CDK5RAP2: variants seen among roughly 807,000 people sequenced by gnomAD.
CDK5RAP2 encodes the protein CDK5 regulatory subunit associated protein 2.
A neutral mutation model predicts 232.9 loss-of-function variants in CDK5RAP2; 147 were observed. That is an observed-to-expected ratio of 0.63 (90% CI 0.55 to 0.72). The LOEUF (loss-of-function observed/expected upper bound fraction) is 0.72. Ranked by LOEUF, CDK5RAP2 falls within the 30% of genes least tolerant of loss-of-function variation. The probability of loss-of-function intolerance (pLI) is 0.00; values close to 1 mark genes in which losing one functional copy is unlikely to be tolerated. For synonymous variants in CDK5RAP2, 833 were observed against 833.7 expected, an observed-to-expected ratio of 1.00 and a Z score of 0.01; for missense variants, 2,195 against 2,231.5, an observed-to-expected ratio of 0.98 and a Z score of 0.33.
intron 14 of CDK5RAP2, 137 bp from the exon 15 acceptor site, chr9:120,477,587 C>A: frequency 1.4e-6 from 1 of 722,286 alleles, no homozygotes. Context: ...CTGGCTCTGG[C>A]TCAGGCCACA....
At chr9:120,460,809 C>T (rs1281388640) in intron 18 of CDK5RAP2, 142 bp from the exon 19 acceptor site, 5 of 1,404,618 alleles carry the variant, frequency 3.6e-6, no homozygotes, top group Non-Finnish European at 4.8e-6. Context: ...AATGCCAAAG[C>T]CATGAAATAA....
At chr9:120,566,401 G>GA (rs1429537994) in intron 3 of CDK5RAP2, among the ~76,000 whole-genome samples, 1 of 152,050 alleles carries the variant, frequency 6.6e-6, no homozygotes, top group Non-Finnish European at 1.5e-5. Flanking sequence ...CAGTCATAAA[G>GA]AAAAAAACAT....
intron 12 of CDK5RAP2, among the ~76,000 whole-genome samples, chr9:120,504,672 G>C (rs1205857614): frequency 6.6e-6 from 1 of 152,168 alleles, no homozygotes; most frequent in Admixed American, 6.5e-5. Flanking sequence ...GTTAACTGCA[G>C]AATGAAGCTA....
intron 31 of CDK5RAP2, chr9:120,407,468 C>T (rs904692894): frequency 3.5e-6 from 2 of 579,556 alleles, no homozygotes; most frequent in Non-Finnish European, 3.1e-6. Context: ...AATTAATTTT[C>T]GCTTCTGGCC....
chr9:120,512,784 T>C (rs1488370665), intron 12 of CDK5RAP2, among the ~76,000 whole-genome samples: 2 of 152,186 alleles, frequency 1.3e-5, no homozygotes, highest in Non-Finnish European at 2.9e-5. Context: ...CACAGATTAA[T>C]CTGTAAAATG....
At chr9:120,555,885 C>T (rs148595355) in intron 3 of CDK5RAP2, among the ~76,000 whole-genome samples, 29 of 152,188 alleles carry the variant, frequency 1.9e-4, no homozygotes, top group Non-Finnish European at 3.4e-4. Flanking sequence ...AAACACACAA[C>T]GTAAATAAAA....
intron 13 of CDK5RAP2, 72 bp from the exon 14 acceptor site, chr9:120,487,509 C>T: frequency 8.4e-7 from 1 of 1,187,364 alleles, no homozygotes. Flanking sequence ...TCCCAAACTC[C>T]TTAAGGAAAA....
chr9:120,404,730 G>A (rs757098208), intron 32 of CDK5RAP2, among the ~76,000 whole-genome samples: 2 of 152,202 alleles, frequency 1.3e-5, no homozygotes, highest in Non-Finnish European at 2.9e-5. Context: ...TACTGAAAGA[G>A]TAAGTCTGGA....
At position 120,419,836 on chromosome 9, in the gene CDK5RAP2, C is replaced by T. The variant is rs747188549; in HGVS notation, c.4129G>A (p.Asp1377Asn). 57 of 1,613,916 alleles carry T rather than the reference C, an allele frequency of 3.5e-5. No homozygotes were observed. Among genetic ancestry groups the T allele is most frequent in the Admixed American group, 1.5e-4 (9 of 60,006 alleles). ...KSFFSRDQKQDNETEKTSVMV... is the reference protein window; with the variant it reads ...KSFFSRDQKQNNETEKTSVMV... ...ACTGAAGTCTTCTCTGTCTCATTATCTTGCTTCTGGTCTCGTGAGAAGAAG... is the reference window on the plus strand; with the variant it reads ...ACTGAAGTCTTCTCTGTCTCATTATTTTGCTTCTGGTCTCGTGAGAAGAAG... The change falls in exon 27 of 38, where the codon GAT (aspartate) becomes AAT (asparagine). Residue 1377 changes from aspartate (D) to asparagine (N), a missense_variant. Coordinates refer to ENST00000349780, the MANE Select transcript of CDK5RAP2 (RefSeq NM_018249.6).
chr9:120,458,682 G>T, intron 19 of CDK5RAP2, 60 bp from the exon 20 acceptor site: 1 of 1,496,078 alleles, frequency 6.7e-7, no homozygotes, highest in South Asian at 1.1e-5. Context: ...GGGGTGTGTG[G>T]AGAGAGGATG....
intron 28 of CDK5RAP2, among the ~76,000 whole-genome samples, chr9:120,413,110 T>A (rs1370353280): frequency 6.6e-6 from 1 of 152,166 alleles, no homozygotes. Flanking sequence ...CAAAAAGTAA[T>A]GTGAACAGCA....
chr9:120,545,298 A>C (rs936120267), intron 5 of CDK5RAP2, among the ~76,000 whole-genome samples: 1 of 152,258 alleles, frequency 6.6e-6, no homozygotes, highest in Non-Finnish European at 1.5e-5. Flanking sequence ...TGAGGAAAGA[A>C]GCCAGACACA....
At chr9:120,485,293 CTTTTT>C (rs111411839) in intron 14 of CDK5RAP2, among the ~76,000 whole-genome samples, 52 of 132,352 alleles carry the variant, frequency 3.9e-4, no homozygotes, top group Non-Finnish European at 7.3e-4. Flanking sequence ...CATTTAGATA[CTTTTT>C]TTTTTTTTTT....
Position 120,439,909 on chromosome 9 carries a change from T to G in CDK5RAP2, c.3212A>C (p.Asp1071Ala). 6.2e-7 allele frequency: 1 copy of G among 1,614,164 alleles called. No individual in the cohort carries two copies. Among genetic ancestry groups the G allele is most frequent in the South Asian group, 1.1e-5 (1 of 91,080 alleles). Residue 1071 changes from aspartate to alanine, a missense_variant, in exon 24 of 38, where the codon GAT becomes GCT. By Grantham distance (126) the Asp-to-Ala change is moderately radical. Coordinates refer to ENST00000349780, the MANE Select transcript of CDK5RAP2 (RefSeq NM_018249.6). Reference sequence around the variant, plus strand: ...AGCTACTGAAGTTGGGCTCAGAACATCTTCAGGATTTTCTTTGCATGATGG... The same window carrying G: ...AGCTACTGAAGTTGGGCTCAGAACAGCTTCAGGATTTTCTTTGCATGATGG... ...SLPSCKENPE[D>A]VLSPTSVATY...
intron 18 of CDK5RAP2, among the ~76,000 whole-genome samples, chr9:120,464,764 CA>C (rs760839074): frequency 6.2e-5 from 9 of 145,726 alleles, no homozygotes; most frequent in South Asian, 2.2e-4. Context: ...ACTAGCATAC[CA>C]AAAAAAAAAA....
chr9:120,428,057 A>G (rs896137860), intron 25 of CDK5RAP2, among the ~76,000 whole-genome samples: 6 of 152,230 alleles, frequency 3.9e-5, no homozygotes, highest in Non-Finnish European at 7.3e-5. Flanking sequence ...TTTGAAGCCA[A>G]CGAGAACAAA....
chr9:120,412,096 G>A (rs1466788321), intron 28 of CDK5RAP2, among the ~76,000 whole-genome samples: 2 of 152,130 alleles, frequency 1.3e-5, no homozygotes, highest in African/African-American at 4.8e-5. Flanking sequence ...TTCTGCCAAT[G>A]GGGTTATTAT....
chr9:120,433,864 A>C (rs2035422546), intron 25 of CDK5RAP2, among the ~76,000 whole-genome samples: 1 of 152,194 alleles, frequency 6.6e-6, no homozygotes, highest in African/African-American at 2.4e-5. Context: ...GTAACACTAG[A>C]TTCACTGACT....
intron 23 of CDK5RAP2, among the ~76,000 whole-genome samples, 162 bp from the exon 24 acceptor site, chr9:120,440,134 A>C (rs2035815108): frequency 6.6e-6 from 1 of 151,970 alleles, no homozygotes; most frequent in African/African-American, 2.4e-5. Flanking sequence ...AAAAGCCTCC[A>C]GTCTTTCCTA....
Sources: allele counts gnomAD v4.1 joint callset (sites outside exome capture counted in the v4.1 genomes callset), GRCh38; gene constraint gnomAD v4.1.1; transcripts MANE v1.5; gene names NCBI Gene and HGNC (gene_info 2026-07-23, HGNC 2026-07-21).